TACR1: variants seen among roughly 807,000 people sequenced by gnomAD.
TACR1 encodes substance-P receptor.
Under a neutral mutation model 35.8 loss-of-function variants are expected in TACR1, and 25 were observed. That is an observed-to-expected ratio of 0.70 (90% CI 0.51 to 0.98). The LOEUF is 0.98. Ranked by LOEUF, TACR1 falls within the 50% of genes least tolerant of loss-of-function variation. The probability of loss-of-function intolerance (pLI) is 0.00; values close to 1 mark genes in which losing one functional copy is unlikely to be tolerated. For missense variants in TACR1, 478 were observed against 522.9 expected (o/e 0.91, Z 0.84); for synonymous variants, 195 against 206.7 (o/e 0.94, Z 0.48).
chr2:75,126,556 C>T (rs529213351), intron 1 of TACR1, among the ~76,000 whole-genome samples: 9 of 152,248 alleles, frequency 5.9e-5, no homozygotes, highest in South Asian at 2.1e-4. Flanking sequence ...GCAACCTAGG[C>T]GACACCCTCC....
intron 1 of TACR1, among the ~76,000 whole-genome samples, chr2:75,191,460 G>A (rs1032868016): frequency 6.6e-6 from 1 of 152,068 alleles, no homozygotes; most frequent in Non-Finnish European, 1.5e-5. Flanking sequence ...TGAGTTTCTG[G>A]TATGCTTGGG....
chr2:75,127,518 C>T (rs1288108580), intron 1 of TACR1, among the ~76,000 whole-genome samples: 1 of 152,130 alleles, frequency 6.6e-6, no homozygotes, highest in Non-Finnish European at 1.5e-5. Flanking sequence ...CAAAAGGTGC[C>T]AGCTGATAGC....
At chr2:75,065,749 C>T (rs1672750950) in intron 2 of TACR1, among the ~76,000 whole-genome samples, 1 of 152,136 alleles carries the variant, frequency 6.6e-6, no homozygotes. Context: ...TCAATTGGTG[C>T]CAACGGATAT....
At chr2:75,157,911 C>G (rs1163986876) in intron 1 of TACR1, among the ~76,000 whole-genome samples, 1 of 152,236 alleles carries the variant, frequency 6.6e-6, no homozygotes, top group Non-Finnish European at 1.5e-5. Context: ...GTAAGAGAAT[C>G]TGAGTCCAAG....
intron 2 of TACR1, among the ~76,000 whole-genome samples, chr2:75,099,776 T>G (rs1290807703): frequency 6.6e-6 from 1 of 152,114 alleles, no homozygotes; most frequent in Non-Finnish European, 1.5e-5. Context: ...TCTATCGACT[T>G]CCTCAGGGCT....
chr2:75,081,738 C>T (rs1420538018), intron 2 of TACR1, among the ~76,000 whole-genome samples: 1 of 151,998 alleles, frequency 6.6e-6, no homozygotes. Flanking sequence ...GCATGTTTTT[C>T]AAGGTAAGGG....
intron 1 of TACR1, among the ~76,000 whole-genome samples, chr2:75,134,084 A>G (rs1674231274): frequency 6.6e-6 from 1 of 152,226 alleles, no homozygotes; most frequent in Admixed American, 6.5e-5. Flanking sequence ...AAGGGGAGGC[A>G]TGAATAATCC....
intron 2 of TACR1, among the ~76,000 whole-genome samples, chr2:75,115,084 CGTGTGTGTGTGTGTGTGTGT>C (rs3079164): frequency 3.8e-4 from 56 of 148,774 alleles, no homozygotes; most frequent in Admixed American, 3.7e-3. Flanking sequence ...TGTTAACATA[CGTGTGTGTGTGTGTGTGTGT>C]GTGTGTGTGT....
At chr2:75,159,755 T>C (rs10207441) in intron 1 of TACR1, among the ~76,000 whole-genome samples, 89,092 of 151,866 alleles carry the variant, frequency 0.59, 26,347 homozygotes, top group African/African-American at 0.64. Flanking sequence ...CCATAAAATG[T>C]TGTGTGACTA....
rs56207850 is a variant in TACR1 at position 75,140,947 on chromosome 2, G to A, written c.390-20179C>T. ...GAATTCTTATTGTTTTTCTTTTGAT[G>A]GGTCCCATTGTGACTAGTTCAAAAT... On this transcript the variant is annotated intron_variant, in intron 1 of 4. Coordinates refer to ENST00000305249, the MANE Select transcript of TACR1 (RefSeq NM_001058.4). 2.5e-3 allele frequency among the ~76,000 whole-genome samples: 381 copies of A among 152,212 alleles called. 3 individuals are homozygous for A. The highest frequency in any genetic ancestry group is 8.6e-3 in the African/African-American group (359 of 41,536).
In TACR1 at chr2:75,092,631, A is replaced by G. The variant is rs1172370044; in HGVS notation, c.584+27943T>C. 2.0e-5 allele frequency among the ~76,000 whole-genome samples: 3 copies of G among 152,158 alleles called. No individual in the cohort carries two copies. In the East Asian group the frequency reaches 5.8e-4, roughly 30 times the overall value. On this transcript the variant is annotated intron_variant, in intron 2 of 4. Transcript: ENST00000305249. ...GAATGAGCCTCCTATGGTCAGAATA[A>G]CTGAACCGACTGTGTCCAGCCACCA...
chr2:75,135,782 G>A (rs1674275363), intron 1 of TACR1, among the ~76,000 whole-genome samples: 1 of 152,150 alleles, frequency 6.6e-6, no homozygotes. Flanking sequence ...CTAACACCCA[G>A]CAGCTGCATA....
At chr2:75,121,942 G>C (rs547065876) in intron 1 of TACR1, among the ~76,000 whole-genome samples, 7 of 152,262 alleles carry the variant, frequency 4.6e-5, no homozygotes, top group African/African-American at 1.7e-4. Context: ...TTCTTTTACT[G>C]TATTCTTTGG....
At chr2:75,184,823 A>G (rs1181905273) in intron 1 of TACR1, among the ~76,000 whole-genome samples, 1 of 151,754 alleles carries the variant, frequency 6.6e-6, no homozygotes, top group African/African-American at 2.4e-5. Flanking sequence ...TAGAAGAAAA[A>G]TGTAAAAAAC....
chr2:75,117,613 C>T (rs906514695), intron 2 of TACR1, among the ~76,000 whole-genome samples: 4 of 152,162 alleles, frequency 2.6e-5, no homozygotes, highest in Non-Finnish European at 5.9e-5. Context: ...CCTCGACTTA[C>T]AATAGGGTTA....
At chr2:75,164,770 C>CCTGT in intron 1 of TACR1, among the ~76,000 whole-genome samples, 1 of 152,312 alleles carries the variant, frequency 6.6e-6, no homozygotes, top group African/African-American at 2.4e-5. Flanking sequence ...CATTTGGGCT[C>CCTGT]CTGTCTCACC....
At chr2:75,094,859 A>ATATATATATTTT in intron 2 of TACR1, among the ~76,000 whole-genome samples, 25 of 113,100 alleles carry the variant, frequency 2.2e-4, no homozygotes, top group African/African-American at 1.2e-3. Flanking sequence ...ATATATATAT[A>ATATATATATTTT]TTTTTTTTTT....
intron 1 of TACR1, among the ~76,000 whole-genome samples, chr2:75,165,516 G>A (rs866210481): frequency 3.4e-4 from 52 of 152,102 alleles, no homozygotes; most frequent in Middle Eastern, 6.8e-3. Flanking sequence ...CACCTTGTTA[G>A]GCAGGATGGT....
chr2:75,185,211 G>A lies in TACR1; in HGVS notation c.389+13335C>T, dbSNP rs1483648524. Reference sequence around the variant, plus strand: ...AAACTTATATGGCATTTAAAAAAGAGGTAATCTAATTATATTAAATTATTG... The same window carrying A: ...AAACTTATATGGCATTTAAAAAAGAAGTAATCTAATTATATTAAATTATTG... On this transcript the variant is annotated intron_variant, in intron 1 of 4. Coordinates refer to ENST00000305249, the MANE Select transcript of TACR1 (RefSeq NM_001058.4). Among the ~76,000 whole-genome samples the A allele has an allele frequency of 2.6e-5, 4 of 151,916 alleles. No individual in the cohort carries two copies. In the East Asian group the frequency reaches 5.8e-4, roughly 22 times the overall value.
Sources: gnomAD v4.1 joint callset for allele counts (sites outside exome capture counted in the v4.1 genomes callset) on GRCh38, gnomAD v4.1.1 for gene constraint, MANE v1.5 for transcripts, NCBI Gene and HGNC (gene_info 2026-07-23, HGNC 2026-07-21) for gene names.